TTN: variants seen among roughly 807,000 people sequenced by gnomAD.
The protein encoded by TTN is connectin.
A neutral mutation model predicts 3,223.0 loss-of-function variants in TTN; 1,525 were observed. The ratio of observed to expected loss-of-function variants is 0.47; its 90% CI spans 0.45 to 0.49. TTN has a LOEUF of 0.49. Among genes scored for constraint, TTN ranks in the 20% least tolerant of loss-of-function variants. The probability of loss-of-function intolerance (pLI) is 0.00; values close to 1 mark genes in which losing one functional copy is unlikely to be tolerated. For missense variants in TTN, 40,786 were observed against 43,424.0 expected, an observed-to-expected ratio of 0.94 and a Z score of 5.40; for synonymous variants, 14,094 against 15,161.0, an observed-to-expected ratio of 0.93 and a Z score of 5.17.
Position 178,665,592 on chromosome 2 carries a change from T to C in TTN, c.35959+116A>G, listed in dbSNP as rs57460905. The C allele has an allele frequency of 2.3e-3, 2,943 of 1,278,822 alleles. 44 individuals are homozygous for C. In the African/African-American group the frequency reaches 0.032, roughly 14 times the overall value. The allele number at this position is 1,278,822 out of a possible 1,614,324, so 79.2% of individuals were successfully genotyped here. ...AAAGAATCTGAGGAGGTATACAATC[T>C]TGAGGAGAGGAACCACATATTAATT... On this transcript the variant is annotated intron_variant, in intron 164 of 362. Coordinates refer to ENST00000589042, the MANE Select transcript of TTN (RefSeq NM_001267550.2).
chr2:178,728,221 A>T lies in TTN; in HGVS notation c.19603T>A (p.Ser6535Thr). Residue 6535 changes from serine (S) to threonine (T), a missense_variant, in exon 67 of 363, where the codon TCT becomes ACT. Ser to Thr is a moderately conservative substitution (Grantham distance 58). Coordinates refer to ENST00000589042, the MANE Select transcript of TTN (RefSeq NM_001267550.2). ...AGATTATTAACTTCCAGAGACACAG[A>T]TCTCTCATGGCACACAAGTCTGTAT... ...AKYRLVCHER[S>T]VSLEVNNLEL... The T allele has an allele frequency of 6.2e-7, 1 of 1,613,094 alleles. No homozygotes were observed. Among genetic ancestry groups the T allele is most frequent in the Non-Finnish European group, 8.5e-7 (1 of 1,179,430 alleles).
Position 178,590,851 on chromosome 2 carries a change from A to T in TTN, c.60874T>A (p.Trp20292Arg). The T allele has an allele frequency of 6.2e-7, 1 of 1,610,172 alleles. No individual in the cohort carries two copies. The highest frequency in any genetic ancestry group is 8.5e-7 in the Non-Finnish European group (1 of 1,176,898). ...DITENAATVS[W>R]TLPKSDGGSP... ...CCACCATCAGATTTTGGCAGGGTCCAAGACACTGTTGCTGCATTTTCAGTA... is the reference window on the plus strand; with the variant it reads ...CCACCATCAGATTTTGGCAGGGTCCTAGACACTGTTGCTGCATTTTCAGTA... The change falls in exon 304 of 363, where the codon TGG becomes AGG. Residue 20292 changes from tryptophan (W) to arginine (R), a missense_variant. Transcript: ENST00000589042.
chr2:178,750,704 C>T, intron 47 of TTN: 1 of 1,612,410 alleles, frequency 6.2e-7, no homozygotes. Flanking sequence ...CTTTTTTATT[C>T]TTTCACTAGC....
Position 178,560,810 on chromosome 2 carries a change from A to G in TTN, c.85322T>C (p.Val28441Ala). 1 of 1,613,750 alleles carries G rather than the reference A, an allele frequency of 6.2e-7. No individual in the cohort carries two copies. Among genetic ancestry groups the G allele is most frequent in the Non-Finnish European group, 8.5e-7 (1 of 1,179,790 alleles). The change falls in exon 326 of 363, where the codon GTG (valine) becomes GCG (alanine). Residue 28441 changes from valine (V) to alanine (A), a missense_variant. Val to Ala is a moderately conservative substitution (Grantham distance 64). Coordinates refer to ENST00000589042, the MANE Select transcript of TTN (RefSeq NM_001267550.2). ...TLKNVAGTRS[V>A]AVNCKVLDKP... The stretch of plus-strand genomic sequence containing the variant: ...ATCAAGTACTTTGCAATTAACGGCC[A>G]CAGACCGAGTGCCGGCAACATTCTT...
At chr2:178,705,821 T>TA (rs2075782211) in intron 102 of TTN, among the ~76,000 whole-genome samples, 1 of 152,212 alleles carries the variant, frequency 6.6e-6, no homozygotes, top group Non-Finnish European at 1.5e-5. Flanking sequence ...GGAAAATGTT[T>TA]AAAACAGTTG....
At position 178,531,418 on chromosome 2, in the gene TTN, G is replaced by A. The variant is rs1346086554; in HGVS notation, c.105197C>T (p.Ser35066Leu). Reference sequence around the variant, plus strand: ...TTCCATCTCAGATGTTTTCTTAAATGATGAAACAGCATACGCCTCTGTTCT... The same window carrying A: ...TTCCATCTCAGATGTTTTCTTAAATAATGAAACAGCATACGCCTCTGTTCT... ...LTRTEAYAVS[S>L]FKKTSEMEAS... Residue 35066 changes from serine to leucine, a missense_variant, in exon 358 of 363, where the codon TCA becomes TTA. Coordinates refer to ENST00000589042, the MANE Select transcript of TTN (RefSeq NM_001267550.2). The A allele has an allele frequency of 3.1e-6, 5 of 1,613,958 alleles. No individual in the cohort carries two copies. Among genetic ancestry groups the A allele is most frequent in the Admixed American group, 1.7e-5 (1 of 60,022 alleles).
chr2:178,569,575 G>T lies in TTN; in HGVS notation c.76557C>A (p.Ile25519=). Residue 25519 remains isoleucine (I), a synonymous_variant, in exon 326 of 363, where the codon ATC becomes ATA. Transcript: ENST00000589042. The part of the protein sequence containing the change: ...DIDLDLELRK[I]INIRAGGSLR... ...AGGAGCCACCTGCCCTTATATTTAT[G>T]ATTTTCCTTAGTTCTAGGTCAAGAT... The T allele has an allele frequency of 6.2e-7, 1 of 1,612,892 alleles. No homozygotes were observed. The highest frequency in any genetic ancestry group is 8.5e-7 in the Non-Finnish European group (1 of 1,179,432).
At position 178,533,530 on chromosome 2, in the gene TTN, C is replaced by G. The variant is rs1382436045; in HGVS notation, c.103085G>C (p.Arg34362Thr). 6.2e-7 allele frequency: 1 copy of G among 1,613,898 alleles called. No individual in the cohort carries two copies. Among genetic ancestry groups the G allele is most frequent in the South Asian group, 1.1e-5 (1 of 91,076 alleles). ...TGCCAGTAACCTTTTGAACATGGGT[C>G]TTAAGGTACTATCTGTTGGAGGTGG... ...LHPPPTDSTL[R>T]PMFKRLLANA... is the part of the protein sequence containing the mutation. Residue 34362 changes from arginine to threonine, a missense_variant, in exon 358 of 363, where the codon AGA (arginine) becomes ACA (threonine). Arg to Thr is a moderately conservative substitution (Grantham distance 71, BLOSUM62 -1). Coordinates refer to ENST00000589042, the MANE Select transcript of TTN (RefSeq NM_001267550.2).
chr2:178,644,724 C>A (rs1348453558), intron 217 of TTN, 108 bp from the exon 218 acceptor site: 3 of 804,646 alleles, frequency 3.7e-6, no homozygotes, highest in Non-Finnish European at 5.6e-6. Flanking sequence ...AACCAGAAAG[C>A]ATTAATAACA....
intron 17 of TTN, 44 bp from the exon 18 acceptor site, chr2:178,783,108 C>T (rs2092919113): frequency 6.2e-7 from 1 of 1,601,498 alleles, no homozygotes; most frequent in African/African-American, 1.3e-5. Context: ...TGTGCATATT[C>T]ATTAATCACT....
Position 178,663,807 on chromosome 2 carries a change from A to T in TTN, c.36448+12T>A, listed in dbSNP as rs2065260612. ...AGAATGAGATCTGAAGCCTAAGGTC[A>T]GTGGCAACTACCTTTAACAGGTGGG... On this transcript the variant is annotated intron_variant, in intron 170 of 362. Coordinates refer to ENST00000589042, the MANE Select transcript of TTN (RefSeq NM_001267550.2). 6.2e-7 allele frequency: 1 copy of T among 1,613,486 alleles called. No homozygotes were observed. Among genetic ancestry groups the T allele is most frequent in the South Asian group, 1.1e-5 (1 of 91,046 alleles).
chr2:178,692,747 A>T (rs1425216454), intron 119 of TTN, among the ~76,000 whole-genome samples, 167 bp from the exon 120 acceptor site: 1 of 152,188 alleles, frequency 6.6e-6, no homozygotes, highest in Non-Finnish European at 1.5e-5. Flanking sequence ...TAATTAGAAA[A>T]TGTGACTGCT....
At chr2:178,610,421 T>C in intron 270 of TTN, 32 bp from the exon 271 acceptor site, 1 of 1,597,230 alleles carries the variant, frequency 6.3e-7, no homozygotes, top group Non-Finnish European at 8.5e-7. Flanking sequence ...ATTCTAGTAA[T>C]CCTGAAAAAT....
At chr2:178,719,864 A>G in intron 81 of TTN, 32 bp from the exon 82 acceptor site, 1 of 1,578,618 alleles carries the variant, frequency 6.3e-7, no homozygotes, top group Non-Finnish European at 8.6e-7. Flanking sequence ...ATTGAAAACA[A>G]AGTAACCTTT....
At position 178,595,761 on chromosome 2, in the gene TTN, T is replaced by C. The variant is rs199787097; in HGVS notation, c.57593A>G (p.Asn19198Ser). ...AAACCATGTCAGTTTGCAGGACTCA[T>C]TGGTTAGGTTGTGAGCTAGGAATGG... ...GTPFLAHNLT[N>S]ESCKLTWFSP... Residue 19198 changes from asparagine (N) to serine (S), a missense_variant, in exon 295 of 363, where the codon AAT becomes AGT. Coordinates refer to ENST00000589042, the MANE Select transcript of TTN (RefSeq NM_001267550.2). 1.1e-4 allele frequency: 179 copies of C among 1,608,608 alleles called. No individual in the cohort carries two copies. The highest frequency in any genetic ancestry group is 1.5e-4 in the Non-Finnish European group (171 of 1,177,686).
rs769452066 is a variant in TTN, at chr2:178,717,093, A to G, written c.25639+2T>C. On this transcript the variant is annotated splice_donor_variant, in intron 88 of 362. Transcript: ENST00000589042. LOFTEE classifies it high-confidence loss of function. ...ATCTTGCTCCTTCACTCTAACAAGT[A>G]CCTTGTACACCCAGCTGAGCAGAAC... The G allele has an allele frequency of 1.2e-6, 2 of 1,608,058 alleles. No homozygotes were observed. The highest frequency in any genetic ancestry group is 1.7e-6 in the Non-Finnish European group (2 of 1,175,692).
At chr2:178,653,188 C>T (rs754563260) in intron 198 of TTN, 50 bp downstream of exon 198, 12 of 1,610,444 alleles carry the variant, frequency 7.5e-6, no homozygotes, top group South Asian at 6.6e-5. Flanking sequence ...AAAATGTCTT[C>T]AACTGCAAAA....
rs770399607 is a variant in TTN at position 178,741,794 on chromosome 2, G to T, written c.11439C>A (p.Ser3813=). The change falls in exon 48 of 363, where the codon TCC becomes TCA. Residue 3813 remains serine (S), a synonymous_variant. Transcript: ENST00000589042. ...ESPVYPTKFD[S]EKEGTGPIFI... ...AAATTGGGCCAGTGCCTTCCTTTTC[G>T]GAATCAAATTTAGTTGGGTAAACTG... 6 of 1,613,108 alleles carry T rather than the reference G, an allele frequency of 3.7e-6. No homozygotes were observed. Among genetic ancestry groups the T allele is most frequent in the Non-Finnish European group, 5.1e-6 (6 of 1,179,580 alleles).
chr2:178,574,910 G>A lies in TTN; in HGVS notation c.71222C>T (p.Ser23741Phe), dbSNP rs1709521259. Residue 23741 changes from serine to phenylalanine, a missense_variant, in exon 326 of 363, where the codon TCT becomes TTT. Transcript: ENST00000589042. ...GTCCCAAGAGAAGGTTACAAAATCA[G>A]ATGAAACTTCATCAAATTTGATTGG... is the stretch of plus-strand genomic sequence containing the variant. ...TGPIKFDEVS[S>F]DFVTFSWDPP... The A allele has an allele frequency of 1.2e-6, 2 of 1,612,866 alleles. No homozygotes were observed. Among genetic ancestry groups the A allele is most frequent in the Non-Finnish European group, 1.7e-6 (2 of 1,179,412 alleles).
Sources: allele counts gnomAD v4.1 joint callset (sites outside exome capture counted in the v4.1 genomes callset), GRCh38; gene constraint gnomAD v4.1.1; transcripts MANE v1.5; gene names NCBI Gene and HGNC (gene_info 2026-07-23, HGNC 2026-07-21).